The following MEP1B variants were observed in gnomAD, a reference collection of about 807,000 sequenced individuals.
MEP1B encodes the protein N-benzoyl-L-tyrosyl-P-amino-benzoic acid hydrolase subunit beta.
In MEP1B, 80 loss-of-function variants were observed where a neutral mutation model predicts 84.6. The ratio of observed to expected loss-of-function variants is 0.95; its 90% CI spans 0.79 to 1.14. The LOEUF is 1.14. MEP1B is among the 50% of genes most tolerant of loss of function. MEP1B has a pLI of 0.00. For missense variants in MEP1B, 766 were observed against 855.1 expected (o/e 0.90, Z 1.30); for synonymous variants, 273 against 288.1 (o/e 0.95, Z 0.53).
At chr18:32,217,716 G>A (rs1177563956) in intron 13 of MEP1B, 45 bp from the exon 14 acceptor site, 1 of 1,477,906 alleles carries the variant, frequency 6.8e-7, no homozygotes, top group African/African-American at 1.4e-5. Flanking sequence ...GATTTCTGGA[G>A]TTAGATATCA....
intron 9 of MEP1B, among the ~76,000 whole-genome samples, chr18:32,209,793 A>T (rs554892812): frequency 2.9e-4 from 41 of 142,092 alleles, no homozygotes; most frequent in Non-Finnish European, 5.3e-4. Context: ...GAAGCCAAAG[A>T]AGTTAGAAAG....
rs772068652 is a variant in MEP1B at position 32,213,301 on chromosome 18, A to G, written c.1321A>G (p.Ile441Val). ...IWHIRNFTQF[I>V]GSPNGTLYSP... ...GCATATAAGGAATTTCACACAGTTCATTGGCAGCCCAAATGGAACTCTGTA... is the reference window on the plus strand; with the variant it reads ...GCATATAAGGAATTTCACACAGTTCGTTGGCAGCCCAAATGGAACTCTGTA... Residue 441 changes from isoleucine to valine, a missense_variant, in exon 11 of 15, where the codon ATT becomes GTT. Physicochemically the swap from Ile to Val is conservative, Grantham distance 29. Coordinates refer to ENST00000269202, the MANE Select transcript of MEP1B (RefSeq NM_005925.3). 6.2e-6 allele frequency: 10 copies of G among 1,613,990 alleles called. No homozygotes were observed. Among genetic ancestry groups the G allele is most frequent in the Admixed American group, 1.7e-5 (1 of 60,020 alleles).
chr18:32,195,942 G>T, intron 5 of MEP1B: 1 of 270,628 alleles, frequency 3.7e-6, no homozygotes, highest in East Asian at 1.0e-4. Flanking sequence ...CTCTTCCCAT[G>T]GCAGGTATGC....
chr18:32,196,560 G>A lies in MEP1B; in HGVS notation c.250+1075G>A. The A allele has an allele frequency of 2.8e-6, 2 of 706,350 alleles. No individual in the cohort carries two copies. The highest frequency in any genetic ancestry group is 5.2e-6 in the Non-Finnish European group (2 of 384,398). The allele number at this position is 706,350 out of a possible 1,614,324, so 43.8% of individuals were successfully genotyped here. Reference sequence around the variant, plus strand: ...GAGAGCTTTGGGCCCTTGGTACTTGGTGCTGACGGCCAGCGCGTTGTCCAG... The same window carrying A: ...GAGAGCTTTGGGCCCTTGGTACTTGATGCTGACGGCCAGCGCGTTGTCCAG... On this transcript the variant is annotated intron_variant, in intron 5 of 14. Transcript: ENST00000269202. This position sits in a 1 kb window ranked among gnomAD's most constrained non-coding sequence, Gnocchi z 4.4.
chr18:32,204,302 G>A lies in MEP1B; in HGVS notation c.489G>A (p.Glu163=). 2 of 1,604,108 alleles carry A rather than the reference G, an allele frequency of 1.2e-6. No individual in the cohort carries two copies. Among genetic ancestry groups the A allele is most frequent in the East Asian group, 4.5e-5 (2 of 44,698 alleles). ...TCCACGCTCTGGGATTCTGGCATGAGCAGTCGCGTTCTGACCGGGATGACT... is the reference window on the plus strand; with the variant it reads ...TCCACGCTCTGGGATTCTGGCATGAACAGTCGCGTTCTGACCGGGATGACT... ...EFLHALGFWH[E]QSRSDRDDYV... is the part of the protein sequence containing the mutation. The change falls in exon 7 of 15, where the codon GAG becomes GAA. Residue 163 remains glutamate (E), a synonymous_variant. Transcript: ENST00000269202.
At chr18:32,199,042 T>C (rs1204811397) in intron 5 of MEP1B, among the ~76,000 whole-genome samples, 1 of 152,166 alleles carries the variant, frequency 6.6e-6, no homozygotes, top group Admixed American at 6.5e-5. Context: ...CATGGTAACG[T>C]CTTCAACAAG....
Position 32,196,267 on chromosome 18 carries a change from A to T in MEP1B, c.250+782A>T. ...TTTGAACTGCTCCAAGACGCTGGCC[A>T]TGCTGGGGGCTGTGAAGTTGAGGGG... is the stretch of plus-strand genomic sequence containing the variant. On this transcript the variant is annotated intron_variant, in intron 5 of 14. Transcript: ENST00000269202. This position sits in a 1 kb window ranked among gnomAD's most constrained non-coding sequence, Gnocchi z 4.4. The T allele has an allele frequency of 1.4e-6, 1 of 707,446 alleles. No homozygotes were observed. The highest frequency in any genetic ancestry group is 2.6e-6 in the Non-Finnish European group (1 of 377,410). The allele number at this position is 707,446 out of a possible 1,614,324, so 43.8% of individuals were successfully genotyped here.
At chr18:32,214,980 T>C (rs368753886) in intron 11 of MEP1B, 102 bp from the exon 12 acceptor site, 3 of 818,328 alleles carry the variant, frequency 3.7e-6, no homozygotes, top group African/African-American at 3.4e-5. Flanking sequence ...TTTAATTATT[T>C]TGAGTTCCAG....
chr18:32,191,874 G>C (rs1234413433), intron 2 of MEP1B, 34 bp downstream of exon 2: 1 of 1,376,338 alleles, frequency 7.3e-7, no homozygotes, highest in Non-Finnish European at 1.0e-6. Flanking sequence ...CTAGGTTATA[G>C]AGAACCTAGG....
chr18:32,202,748 C>T (rs2040924583), intron 5 of MEP1B, 145 bp from the exon 6 acceptor site: 1 of 601,248 alleles, frequency 1.7e-6, no homozygotes, highest in Admixed American at 2.9e-5. Context: ...GTACTGAATT[C>T]TAATTTTTGT....
intron 12 of MEP1B, among the ~76,000 whole-genome samples, chr18:32,216,286 G>A (rs566778172): frequency 7.9e-5 from 12 of 152,200 alleles, no homozygotes; most frequent in South Asian, 6.2e-4. Flanking sequence ...AGATTATTCA[G>A]AAATAACTTC....
intron 12 of MEP1B, 120 bp downstream of exon 12, chr18:32,215,381 TG>T: frequency 5.6e-6 from 3 of 535,030 alleles, no homozygotes; most frequent in Non-Finnish European, 9.6e-6. Flanking sequence ...GTGGGGGGAA[TG>T]GGCATGAATG....
At chr18:32,190,830 T>G (rs979814041) in intron 1 of MEP1B, among the ~76,000 whole-genome samples, 1 of 152,154 alleles carries the variant, frequency 6.6e-6, no homozygotes, top group African/African-American at 2.4e-5. Context: ...TGCCTGTGTG[T>G]GGTTATAGTG....
At chr18:32,207,186 A>G in intron 7 of MEP1B, 66 bp from the exon 8 acceptor site, 2 of 1,009,660 alleles carry the variant, frequency 2.0e-6, no homozygotes, top group East Asian at 2.5e-5. Context: ...CTAAGTGAGC[A>G]GTATTTGGAG....
chr18:32,204,783 GA>G (rs2040947964), intron 7 of MEP1B, among the ~76,000 whole-genome samples: 1 of 152,170 alleles, frequency 6.6e-6, no homozygotes, highest in Non-Finnish European at 1.5e-5. Context: ...GGCATTTGAT[GA>G]GGGCCTTCTT....
chr18:32,193,532 C>A (rs1339502554), intron 4 of MEP1B, among the ~76,000 whole-genome samples: 1 of 151,914 alleles, frequency 6.6e-6, no homozygotes, highest in Non-Finnish European at 1.5e-5. Context: ...AACTAGGATG[C>A]TTGTTTAGGA....
chr18:32,200,253 C>A (rs1243335113), intron 5 of MEP1B, among the ~76,000 whole-genome samples: 1 of 152,020 alleles, frequency 6.6e-6, no homozygotes, highest in Non-Finnish European at 1.5e-5. Context: ...CTAGATCCTA[C>A]CATCCAAACT....
chr18:32,202,646 G>C (rs1214989851), intron 5 of MEP1B, among the ~76,000 whole-genome samples: 3 of 152,164 alleles, frequency 2.0e-5, no homozygotes, highest in African/African-American at 7.2e-5. Context: ...TTATTGTTTA[G>C]TAATGCACCA....
chr18:32,215,467 G>T (rs910929862), intron 12 of MEP1B, among the ~76,000 whole-genome samples: 13 of 152,102 alleles, frequency 8.5e-5, no homozygotes, highest in African/African-American at 3.1e-4. Flanking sequence ...CCAGAATAAA[G>T]AATTTAATGA....
Sources: allele counts gnomAD v4.1 joint callset (sites outside exome capture counted in the v4.1 genomes callset), GRCh38; gene constraint gnomAD v4.1.1; non-coding constraint Gnocchi (gnomAD v3.1); transcripts MANE v1.5; gene names NCBI Gene and HGNC (gene_info 2026-07-23, HGNC 2026-07-21).